Variants in AGT observed in about 807,000 individuals in gnomAD.
AGT encodes alpha-1 antiproteinase, antitrypsin.
In AGT, 26 loss-of-function variants were observed where a neutral mutation model predicts 28.1. The observed-to-expected ratio is 0.92, with a 90% CI of 0.68 to 1.28. The LOEUF (loss-of-function observed/expected upper bound fraction) is 1.28, where lower values mean the gene tolerates loss of function less well. Among genes scored for constraint, AGT ranks in the 50% most tolerant of loss-of-function variants. AGT has a pLI of 0.00. For missense variants in AGT, 596 were observed against 592.3 expected (o/e 1.01, Z -0.06); for synonymous variants, 259 against 259.6 (o/e 1.00, Z 0.02).
chr1:230,715,292 T>C (rs2102795022), upstream of AGT, among the ~76,000 whole-genome samples: 1 of 152,204 alleles, frequency 6.6e-6, no homozygotes, highest in East Asian at 1.9e-4. Context: ...AATACATTTT[T>C]TTAATTACTT....
At chr1:230,711,802 G>A (rs529628208) in intron 1 of AGT, among the ~76,000 whole-genome samples, 3 of 142,502 alleles carry the variant, frequency 2.1e-5, no homozygotes, top group South Asian at 4.6e-4. Context: ...CTTAGTCTGT[G>A]CTGGGACCAC....
intron 1 of AGT, among the ~76,000 whole-genome samples, chr1:230,731,310 C>T (rs12142516): frequency 0.048 from 7,315 of 152,236 alleles, 252 homozygotes; most frequent in Non-Finnish European, 0.079. Flanking sequence ...CCTCCCAACC[C>T]GATTCTCTGC....
At chr1:230,735,956 TAAAAG>T (rs1032104770) in intron 1 of AGT, among the ~76,000 whole-genome samples, 6 of 152,152 alleles carry the variant, frequency 3.9e-5, no homozygotes, top group African/African-American at 1.4e-4. Context: ...CTTTACTGTT[TAAAAG>T]AAAACAGTCC....
At chr1:230,709,068 C>T (rs1391435907) in intron 2 of AGT, among the ~76,000 whole-genome samples, 1 of 152,208 alleles carries the variant, frequency 6.6e-6, no homozygotes, top group African/African-American at 2.4e-5. Flanking sequence ...TCCCCAGTGA[C>T]CTCTGTCCTC....
intron 1 of AGT, among the ~76,000 whole-genome samples, chr1:230,733,895 T>C (rs934751239): frequency 3.9e-5 from 6 of 152,084 alleles, no homozygotes; most frequent in African/African-American, 1.2e-4. Context: ...GTTCTTGTTC[T>C]GCCAGTCATT....
chr1:230,707,519 G>A (rs151000815), intron 2 of AGT, among the ~76,000 whole-genome samples: 1 of 152,156 alleles, frequency 6.6e-6, no homozygotes, highest in Non-Finnish European at 1.5e-5. Flanking sequence ...CCTCCCCTGG[G>A]TCCGGGTCTC....
rs1322463579 is a variant in AGT, at chr1:230,710,506, G to A, written c.318C>T (p.Phe106=). The A allele has an allele frequency of 1.2e-6, 2 of 1,614,132 alleles. No individual in the cohort carries two copies. The highest frequency in any genetic ancestry group is 1.7e-6 in the Non-Finnish European group (2 of 1,180,060). Residue 106 remains phenylalanine, a synonymous_variant, in exon 2 of 5, where the codon TTC becomes TTT. Coordinates refer to ENST00000366667, the MANE Select transcript of AGT (RefSeq NM_001384479.1). ...MVGMLANFLG[F]RIYGMHSELW... ...GCTCACTGTGCATGCCATATATACGGAAGCCCAAGAAGTTGGCCAGCATCC... is the reference window on the plus strand; with the variant it reads ...GCTCACTGTGCATGCCATATATACGAAAGCCCAAGAAGTTGGCCAGCATCC...
intron 1 of AGT, among the ~76,000 whole-genome samples, chr1:230,736,017 AG>A (rs747050424): frequency 6.6e-6 from 1 of 151,368 alleles, no homozygotes; most frequent in Non-Finnish European, 1.5e-5. Context: ...CAAAACACAA[AG>A]GTGATGTCTT....
In AGT at chr1:230,736,324, C is replaced by T. The variant is rs140160100; in HGVS notation, c.-31+9191G>A. ...AGATCATGAGGTCGGGAGATTGAGA[C>T]CATCCTGGCTAACACGGTGAAACCC... On this transcript the variant is annotated intron_variant, in intron 1 of 4. Coordinates refer to the AGT transcript ENST00000681269. Among the ~76,000 whole-genome samples, 130 of 152,158 alleles carry T rather than the reference C, an allele frequency of 8.5e-4. 1 individual carries two copies. The highest frequency in any genetic ancestry group is 3.0e-3 in the African/African-American group (126 of 41,512).
At chr1:230,738,225 G>T (rs1664187222) in intron 1 of AGT, among the ~76,000 whole-genome samples, 1 of 152,198 alleles carries the variant, frequency 6.6e-6, no homozygotes, top group African/African-American at 2.4e-5. Flanking sequence ...GAGTGAAACT[G>T]CTGGCTCCTA....
chr1:230,735,132 G>A (rs927460419), intron 1 of AGT, among the ~76,000 whole-genome samples: 4 of 152,058 alleles, frequency 2.6e-5, no homozygotes, highest in South Asian at 4.1e-4. Flanking sequence ...TAGGCCTCCC[G>A]CCCTCCTGCA....
In AGT at chr1:230,710,736, G is replaced by A. The variant is rs1452925829; in HGVS notation, c.88C>T (p.His30Tyr). The A allele has an allele frequency of 2.5e-6, 4 of 1,614,178 alleles. No individual in the cohort carries two copies. In the Admixed American group the frequency reaches 5.0e-5, roughly 20 times the overall value. ...TTGTGGATGACGAGGTGGAAGGGGT[G>A]TATGTACACCCGGTCACCTGCAGCC... ...GLAAGDRVYI[H>Y]PFHLVIHNES... Residue 30 changes from histidine to tyrosine, a missense_variant, in exon 2 of 5, where the codon CAC becomes TAC. By Grantham distance (83) the His-to-Tyr change is moderately conservative. Transcript: ENST00000366667.
At chr1:230,708,053 C>T (rs367939195) in intron 2 of AGT, among the ~76,000 whole-genome samples, 4 of 152,150 alleles carry the variant, frequency 2.6e-5, no homozygotes, top group Admixed American at 1.3e-4. Flanking sequence ...CTAGAGGTCC[C>T]GAGACAGCCC....
At chr1:230,739,198 G>GT (rs566967897) in intron 1 of AGT, among the ~76,000 whole-genome samples, 27,029 of 143,666 alleles carry the variant, frequency 0.19, 3,029 homozygotes, top group African/African-American at 0.33. Context: ...TCCTCTACAG[G>GT]TTTTTTTTTT....
chr1:230,731,451 G>A (rs2478520), intron 1 of AGT, among the ~76,000 whole-genome samples: 54,349 of 152,082 alleles, frequency 0.36, 11,053 homozygotes, highest in East Asian at 0.67. Flanking sequence ...GGAAACTCCT[G>A]AATCCTTGCC....
upstream of AGT, among the ~76,000 whole-genome samples, chr1:230,718,179 A>G (rs1444083214): frequency 6.6e-6 from 1 of 152,142 alleles, no homozygotes; most frequent in Non-Finnish European, 1.5e-5. Context: ...TACTGGTCTC[A>G]AGTGATCCTC....
chr1:230,710,202 G>A lies in AGT; in HGVS notation c.622C>T (p.Leu208=), dbSNP rs1372392674. 2 of 1,613,790 alleles carry A rather than the reference G, an allele frequency of 1.2e-6. No homozygotes were observed. The highest frequency in any genetic ancestry group is 1.7e-6 in the Non-Finnish European group (2 of 1,179,986). The change falls in exon 2 of 5, where the codon CTG becomes TTG. Residue 208 remains leucine, a synonymous_variant. Transcript: ENST00000366667. ...TVVGVFTAPG[L]HLKQPFVQGL... is the part of the protein sequence containing the mutation. ...TGCACAAACGGCTGCTTCAGGTGCA[G>A]GCCTGGGGCTGTGAACACGCCCACC...
intron 1 of AGT, among the ~76,000 whole-genome samples, chr1:230,732,080 T>A (rs1664079864): frequency 6.6e-6 from 1 of 152,146 alleles, no homozygotes; most frequent in African/African-American, 2.4e-5. Context: ...CACCCCTATC[T>A]TCTCTATAGT....
chr1:230,735,882 T>C (rs1218409007), intron 1 of AGT, among the ~76,000 whole-genome samples: 3 of 152,186 alleles, frequency 2.0e-5, no homozygotes, highest in Admixed American at 6.5e-5. Context: ...CACATCTTTG[T>C]AAATAGTTCA....
Sources: gnomAD v4.1 joint callset for allele counts (sites outside exome capture counted in the v4.1 genomes callset) on GRCh38, gnomAD v4.1.1 for gene constraint, MANE v1.5 for transcripts, NCBI Gene and HGNC (gene_info 2026-07-23, HGNC 2026-07-21) for gene names.